The following UBXN8 variants were observed in gnomAD, a reference collection of about 807,000 sequenced individuals.
UBXN8 encodes the protein UBX domain-containing protein 8.
UBXN8 carries 27 observed loss-of-function variants against 32.1 expected under a neutral mutation model. That is an observed-to-expected ratio of 0.84 (90% CI 0.62 to 1.16). The LOEUF (loss-of-function observed/expected upper bound fraction) is 1.16. UBXN8 is among the 50% of genes most tolerant of loss of function. The probability of loss-of-function intolerance (pLI) is 0.00; values close to 1 mark genes in which losing one functional copy is unlikely to be tolerated. For missense variants in UBXN8, 306 were observed against 311.4 expected (o/e 0.98, Z 0.13); for synonymous variants, 109 against 111.8 (o/e 0.98, Z 0.16).
intron 1 of UBXN8, among the ~76,000 whole-genome samples, chr8:30,745,544 A>T (rs902213351): frequency 1.3e-5 from 2 of 152,196 alleles, no homozygotes; most frequent in Non-Finnish European, 2.9e-5. Context: ...AAGGAGTCAG[A>T]TGCCTAGAAA....
At chr8:30,766,048 A>G (rs1234868470) in intron 7 of UBXN8, among the ~76,000 whole-genome samples, 179 bp from the exon 8 acceptor site, 2 of 151,628 alleles carry the variant, frequency 1.3e-5, no homozygotes, top group East Asian at 3.9e-4. Flanking sequence ...CTCTGAACTC[A>G]TGGCAAGCTA....
intron 1 of UBXN8, among the ~76,000 whole-genome samples, chr8:30,746,141 A>G (rs1042703420): frequency 1.2e-4 from 18 of 152,330 alleles, no homozygotes; most frequent in African/African-American, 4.1e-4. Flanking sequence ...AACTAGGGAC[A>G]AGGGTTCTAT....
At chr8:30,751,349 TAA>T (rs774013210) in intron 1 of UBXN8, 45 bp from the exon 2 acceptor site, 1 of 1,489,636 alleles carries the variant, frequency 6.7e-7, no homozygotes. Flanking sequence ...CCTCATCTCT[TAA>T]AAAAAAAGTT....
chr8:30,732,119 A>G (rs1804972242), upstream of UBXN8: 1 of 319,394 alleles, frequency 3.1e-6, no homozygotes, highest in African/African-American at 2.2e-5. Context: ...GTCACTACTC[A>G]GTACACTTGG....
chr8:30,759,076 G>C (rs1264189888), intron 5 of UBXN8, among the ~76,000 whole-genome samples: 2 of 150,976 alleles, frequency 1.3e-5, no homozygotes, highest in South Asian at 4.2e-4. Context: ...TGTATTTTTA[G>C]TAGAGACAGG....
chr8:30,758,532 A>G lies in UBXN8; in HGVS notation c.528+1645A>G, dbSNP rs976043524. Among the ~76,000 whole-genome samples the G allele has an allele frequency of 8.5e-5, 13 of 152,328 alleles. No homozygotes were observed. The East Asian group carries it at 2.1e-3, about 25-fold the overall frequency. ...CTTAGGGAAAGCTGGGAGGCTGTCT[A>G]TTCCCTGAAAATAGTTTCTAAGATA... On this transcript the variant is annotated intron_variant, in intron 5 of 7. Transcript: ENST00000265616.
At chr8:30,744,108 G>A (rs1401247101), upstream of UBXN8, 10 of 1,369,508 alleles carry the variant, frequency 7.3e-6, no homozygotes, top group Admixed American at 1.6e-4. Context: ...GCCGGCCCGC[G>A]GCAAGAAGAG....
Position 30,756,723 on chromosome 8 carries a change from T to C in UBXN8, c.406-42T>C, listed in dbSNP as rs1008406990. 11 of 1,610,450 alleles carry C rather than the reference T, an allele frequency of 6.8e-6. No individual in the cohort carries two copies. The African/African-American group carries it at 1.5e-4, about 22-fold the overall frequency. ...ACAATTGTGAATAGAATAAAGTTGATAGAAAACATCTCTTTAGAAATTGTC... is the reference window on the plus strand; with the variant it reads ...ACAATTGTGAATAGAATAAAGTTGACAGAAAACATCTCTTTAGAAATTGTC... On this transcript the variant is annotated intron_variant, in intron 4 of 7. Transcript: ENST00000265616.
At chr8:30,756,670 A>T (rs2128755254) in intron 4 of UBXN8, 95 bp from the exon 5 acceptor site, 2 of 1,541,314 alleles carry the variant, frequency 1.3e-6, no homozygotes, top group Non-Finnish European at 1.8e-6. Context: ...CTGATATGCC[A>T]TCAGGGTAAA....
chr8:30,739,317 G>T (rs2978299), upstream of UBXN8, among the ~76,000 whole-genome samples: 1 of 150,598 alleles, frequency 6.6e-6, no homozygotes, highest in East Asian at 2.0e-4. Context: ...GGCCGAGGCG[G>T]GTGGATCACG....
At chr8:30,747,824 CA>C (rs1304480507) in intron 1 of UBXN8, among the ~76,000 whole-genome samples, 1 of 131,796 alleles carries the variant, frequency 7.6e-6, no homozygotes, top group Non-Finnish European at 1.6e-5. Flanking sequence ...TTGGGCCAAG[CA>C]AGGTGGCTCA....
intron 3 of UBXN8, among the ~76,000 whole-genome samples, chr8:30,753,474 C>G (rs1404790503): frequency 6.6e-6 from 1 of 152,016 alleles, no homozygotes. Flanking sequence ...CCAGGCTGGT[C>G]TTAAACTCCT....
chr8:30,737,913 AAG>A (rs1805103335), intron 1 of UBXN8, among the ~76,000 whole-genome samples: 1 of 152,188 alleles, frequency 6.6e-6, no homozygotes, highest in African/African-American at 2.4e-5. Flanking sequence ...AGACTACTAA[AAG>A]AGCAATTTCA....
intron 1 of UBXN8, chr8:30,733,769 C>T (rs950604305): frequency 2.0e-5 from 3 of 152,356 alleles, no homozygotes; most frequent in South Asian, 4.1e-4. Context: ...GCCTCAGCCT[C>T]CCGAGTAGCT....
intron 1 of UBXN8, among the ~76,000 whole-genome samples, chr8:30,745,412 A>G (rs982144950): frequency 6.6e-6 from 1 of 152,140 alleles, no homozygotes; most frequent in African/African-American, 2.4e-5. Context: ...TGATTTTTGG[A>G]CATTTCAGTG....
chr8:30,755,874 A>T (rs989229002), intron 4 of UBXN8, among the ~76,000 whole-genome samples: 1 of 151,872 alleles, frequency 6.6e-6, no homozygotes, highest in Non-Finnish European at 1.5e-5. Context: ...TCTTTCCTCA[A>T]GTCAAGATCT....
upstream of UBXN8, among the ~76,000 whole-genome samples, chr8:30,743,511 G>A (rs997215835): frequency 5.3e-5 from 8 of 152,194 alleles, no homozygotes; most frequent in African/African-American, 1.9e-4. Context: ...CAGTAGCTTG[G>A]GAGAAGTGCA....
At chr8:30,751,299 A>C in intron 1 of UBXN8, 97 bp from the exon 2 acceptor site, 1 of 1,018,940 alleles carries the variant, frequency 9.8e-7, no homozygotes, top group Non-Finnish European at 1.4e-6. Flanking sequence ...GGATCACGTG[A>C]GCTCAGGAGT....
At chr8:30,763,173 CAGT>C in intron 6 of UBXN8, 97 bp from the exon 7 acceptor site, 1 of 1,122,608 alleles carries the variant, frequency 8.9e-7, no homozygotes, top group East Asian at 2.4e-5. Context: ...ATTAGCAAAG[CAGT>C]ATCTAAGTCC....
Sources: allele counts gnomAD v4.1 joint callset (sites outside exome capture counted in the v4.1 genomes callset), GRCh38; gene constraint gnomAD v4.1.1; transcripts MANE v1.5; gene names NCBI Gene and HGNC (gene_info 2026-07-23, HGNC 2026-07-21).